UGT1A5: variants seen among roughly 807,000 people sequenced by gnomAD.
UGT1A5 encodes UDP-glucuronosyltransferase 1A5.
In UGT1A5, 29 loss-of-function variants were observed where a neutral mutation model predicts 40.3. The ratio of observed to expected loss-of-function variants is 0.72; its 90% CI spans 0.54 to 0.98. The LOEUF is 0.98. Ranked by LOEUF, UGT1A5 falls within the 50% of genes least tolerant of loss-of-function variation. UGT1A5 has a pLI of 0.00. For missense variants in UGT1A5, 678 were observed against 677.9 expected (o/e 1.00, Z 0.00); for synonymous variants, 257 against 262.5 (o/e 0.98, Z 0.20).
At chr2:233,727,846 T>C (rs1234756694) in intron 1 of UGT1A5, among the ~76,000 whole-genome samples, 1 of 152,150 alleles carries the variant, frequency 6.6e-6, no homozygotes, top group East Asian at 1.9e-4. Context: ...TGTGGAGTAA[T>C]TTCCTCCCTA....
At chr2:233,744,610 G>T (rs1221206555) in intron 1 of UGT1A5, among the ~76,000 whole-genome samples, 1 of 151,880 alleles carries the variant, frequency 6.6e-6, no homozygotes, top group Non-Finnish European at 1.5e-5. Flanking sequence ...TTAGTACTTG[G>T]CTCTATAGAG....
chr2:233,772,522 G>A lies in UGT1A5; in HGVS notation c.1568G>A (p.Gly523Glu). The A allele has an allele frequency of 6.2e-7, 1 of 1,614,168 alleles. No homozygotes were observed. Among genetic ancestry groups the A allele is most frequent in the Non-Finnish European group, 8.5e-7 (1 of 1,180,032 alleles). ...YGYRKCLGKK[G>E]RVKKAHKSKT... ...TACCGGAAATGCTTGGGGAAAAAAG[G>A]GCGAGTTAAGAAAGCCCACAAATCC... The change falls in exon 5 of 5, where the codon GGG becomes GAG. Residue 523 changes from glycine to glutamate, a missense_variant. Gly to Glu is a moderately conservative substitution (Grantham distance 98). Coordinates refer to ENST00000373414, the MANE Select transcript of UGT1A5 (RefSeq NM_019078.2).
chr2:233,760,536 C>T (rs2125985634), intron 1 of UGT1A5: 27 of 1,614,224 alleles, frequency 1.7e-5, no homozygotes, highest in Non-Finnish European at 2.3e-5. Flanking sequence ...CTGTGCCATT[C>T]CAAAGGGAGG....
chr2:233,729,365 A>G, intron 1 of UGT1A5: 4 of 1,614,132 alleles, frequency 2.5e-6, no homozygotes, highest in African/African-American at 2.7e-5. Flanking sequence ...CTGACAACCT[A>G]TGCCATTTCG....
chr2:233,749,248 ATTT>A (rs1216234192), intron 1 of UGT1A5, among the ~76,000 whole-genome samples: 1 of 151,808 alleles, frequency 6.6e-6, no homozygotes, highest in Non-Finnish European at 1.5e-5. Context: ...AAACCACATG[ATTT>A]TTTTATTGGT....
chr2:233,766,947 A>G (rs749614811), intron 1 of UGT1A5, 87 bp from the exon 2 acceptor site: 24 of 1,599,406 alleles, frequency 1.5e-5, no homozygotes, highest in Non-Finnish European at 2.0e-5. Context: ...TAGTCTTAAG[A>G]GGAAGATATC....
rs1203076441 is a variant in UGT1A5, at chr2:233,734,271, G to C, written c.867+20413G>C. Among the ~76,000 whole-genome samples, 2 of 152,098 alleles carry C rather than the reference G, an allele frequency of 1.3e-5. 1 individual carries two copies. The highest frequency in any genetic ancestry group is 1.3e-4 in the Admixed American group (2 of 15,272). ...GTCTTGGGAGGGTGTATGTGTCCAG[G>C]AATTTATCCATTTCTTCTAGATTTT... On this transcript the variant is annotated intron_variant, in intron 1 of 4. Coordinates refer to ENST00000373414, the MANE Select transcript of UGT1A5 (RefSeq NM_019078.2).
intron 1 of UGT1A5, among the ~76,000 whole-genome samples, chr2:233,735,014 T>C (rs902605197): frequency 1.3e-5 from 2 of 152,232 alleles, no homozygotes; most frequent in Non-Finnish European, 2.9e-5. Context: ...GAGAGTTCTG[T>C]AGATGTCTAT....
intron 1 of UGT1A5, chr2:233,754,908 T>C: frequency 7.4e-7 from 1 of 1,352,648 alleles, no homozygotes; most frequent in Non-Finnish European, 9.9e-7. Flanking sequence ...CCCCAAAATA[T>C]TCTCCAGCGG....
chr2:233,760,116 A>G lies in UGT1A5; in HGVS notation c.868-6918A>G. 2.4e-6 allele frequency: 3 copies of G among 1,260,492 alleles called. No homozygotes were observed. In the South Asian group the frequency reaches 4.7e-5, roughly 20 times the overall value. The allele number at this position is 1,260,492 out of a possible 1,614,324, so 78.1% of individuals were successfully genotyped here. ...GTTGTTGCCTATTAAGAAACCTAATAAAGCTCCACCTTCTTTATCTCTGAA... is the reference window on the plus strand; with the variant it reads ...GTTGTTGCCTATTAAGAAACCTAATGAAGCTCCACCTTCTTTATCTCTGAA... On this transcript the variant is annotated intron_variant, in intron 1 of 4. Transcript: ENST00000373414.
At chr2:233,754,510 C>T in intron 1 of UGT1A5, 1 of 361,188 alleles carries the variant, frequency 2.8e-6, no homozygotes. Flanking sequence ...GCTATTCCTC[C>T]AGATGTGCTT....
intron 1 of UGT1A5, chr2:233,740,934 T>G (rs1244691991): frequency 6.6e-6 from 1 of 151,802 alleles, no homozygotes; most frequent in East Asian, 1.9e-4. Flanking sequence ...AAAGTTTTTT[T>G]TTTAATTAGC....
chr2:233,754,865 T>G, intron 1 of UGT1A5: 2 of 1,351,074 alleles, frequency 1.5e-6, no homozygotes, highest in Non-Finnish European at 2.0e-6. Flanking sequence ...GTGCAGACCC[T>G]CTGCTTCTGC....
In UGT1A5 at chr2:233,772,302, G is replaced by A. The variant is rs1458644938; in HGVS notation, c.1348G>A (p.Asp450Asn). Residue 450 changes from aspartate to asparagine, a missense_variant, in exon 5 of 5, where the codon GAC becomes AAC. Physicochemically the swap from Asp to Asn is conservative, Grantham distance 23. Coordinates refer to ENST00000373414, the MANE Select transcript of UGT1A5 (RefSeq NM_019078.2). ...CATGCGCCTCTCCAGCCTTCACAAG[G>A]ACCGCCCGGTGGAGCCGCTGGACCT... ...NIMRLSSLHK[D>N]RPVEPLDLAV... 1 of 1,614,232 alleles carries A rather than the reference G, an allele frequency of 6.2e-7. No individual in the cohort carries two copies.
intron 1 of UGT1A5, chr2:233,747,760 A>G: frequency 6.2e-7 from 1 of 1,613,440 alleles, no homozygotes; most frequent in South Asian, 1.1e-5. Context: ...TTAGACTTTA[A>G]GGGCACACAG....
intron 1 of UGT1A5, among the ~76,000 whole-genome samples, chr2:233,761,951 C>T (rs997594435): frequency 3.9e-5 from 6 of 152,200 alleles, no homozygotes; most frequent in Non-Finnish European, 8.8e-5. Flanking sequence ...GCGTCTGGCT[C>T]CCATTAAGGG....
chr2:233,732,710 C>T (rs1261368099), intron 1 of UGT1A5, among the ~76,000 whole-genome samples: 1 of 149,516 alleles, frequency 6.7e-6, no homozygotes, highest in Non-Finnish European at 1.5e-5. Flanking sequence ...TTACTGTAGC[C>T]TTGTAGTACA....
chr2:233,767,027 G>A lies in UGT1A5; in HGVS notation c.868-7G>A, dbSNP rs753107729. The A allele has an allele frequency of 3.1e-6, 5 of 1,613,804 alleles. No individual in the cohort carries two copies. Among genetic ancestry groups the A allele is most frequent in the Non-Finnish European group, 4.2e-6 (5 of 1,179,992 alleles). On this transcript the variant is annotated splice_region_variant and splice_polypyrimidine_tract_variant and intron_variant, in intron 1 of 4. Coordinates refer to ENST00000373414, the MANE Select transcript of UGT1A5 (RefSeq NM_019078.2). ...AAATTAACTGAAAATTTTTCTTCTG[G>A]CTCTAGGAATTTGAAGCCTACATTA...
At chr2:233,724,425 G>A in intron 1 of UGT1A5, among the ~76,000 whole-genome samples, 1 of 126,932 alleles carries the variant, frequency 7.9e-6, no homozygotes, top group East Asian at 2.6e-4. Flanking sequence ...CGGGCGGAGA[G>A]GCTCCTCACT....
Sources: gnomAD v4.1 joint callset for allele counts (sites outside exome capture counted in the v4.1 genomes callset) on GRCh38, gnomAD v4.1.1 for gene constraint, MANE v1.5 for transcripts, NCBI Gene and HGNC (gene_info 2026-07-23, HGNC 2026-07-21) for gene names.